TNKS: variants seen among roughly 807,000 people sequenced by gnomAD.
The protein encoded by TNKS is tankyrase.
TNKS carries 72 observed loss-of-function variants against 135.8 expected under a neutral mutation model. The ratio of observed to expected loss-of-function variants is 0.53; its 90% CI spans 0.44 to 0.64. The LOEUF is 0.64. TNKS is among the 30% of genes least tolerant of loss of function. The pLI, the probability that TNKS is intolerant of heterozygous loss-of-function variation, is 0.00. For synonymous variants in TNKS, 849 were observed against 649.3 expected (o/e 1.31, Z -4.68); for missense variants, 1,769 against 1,674.0 (o/e 1.06, Z -0.99).
Position 9,661,044 on chromosome 8 carries a change from T to G in TNKS, c.995-18907T>G, listed in dbSNP as rs570761033. On this transcript the variant is annotated intron_variant, in intron 3 of 26. Coordinates refer to ENST00000310430, the MANE Select transcript of TNKS (RefSeq NM_003747.3). The stretch of plus-strand genomic sequence containing the variant: ...CTTACAAGGGACGTGAAGGACCTCT[T>G]CAAGGAGAACTACAAACCTCTGCTC... Among the ~76,000 whole-genome samples, 18 of 151,584 alleles carry G rather than the reference T, an allele frequency of 1.2e-4. No homozygotes were observed. The East Asian group carries it at 3.3e-3, about 28-fold the overall frequency.
At chr8:9,650,212 T>C (rs988187788) in intron 3 of TNKS, among the ~76,000 whole-genome samples, 1 of 152,104 alleles carries the variant, frequency 6.6e-6, no homozygotes, top group African/African-American at 2.4e-5. Context: ...TTTCTTTATC[T>C]GCTTGTCGAT....
Position 9,672,718 on chromosome 8 carries a change from A to C in TNKS, c.995-7233A>C, listed in dbSNP as rs1423806469. Among the ~76,000 whole-genome samples, 287 of 149,960 alleles carry C rather than the reference A, an allele frequency of 1.9e-3. 1 individual carries two copies. Among genetic ancestry groups the C allele is most frequent in the Admixed American group, 3.9e-3 (58 of 15,034 alleles). The stretch of plus-strand genomic sequence containing the variant: ...CACACACACACACACACACAAAAAA[A>C]AAAAAACAAACTAATATCCCACTTC... On this transcript the variant is annotated intron_variant, in intron 3 of 26. Transcript: ENST00000310430.
At chr8:9,634,815 A>G (rs1163161867) in intron 3 of TNKS, among the ~76,000 whole-genome samples, 1 of 152,120 alleles carries the variant, frequency 6.6e-6, no homozygotes, top group Admixed American at 6.5e-5. Flanking sequence ...TGAAAAAAAA[A>G]TGACTGATTT....
chr8:9,744,114 T>G (rs1435029461), intron 17 of TNKS, among the ~76,000 whole-genome samples: 2 of 152,208 alleles, frequency 1.3e-5, no homozygotes, highest in Admixed American at 1.3e-4. Flanking sequence ...AAATACATAT[T>G]TATTTAAGAA....
chr8:9,665,707 A>C (rs561804799), intron 3 of TNKS, among the ~76,000 whole-genome samples: 2 of 152,128 alleles, frequency 1.3e-5, no homozygotes, highest in Admixed American at 1.3e-4. Flanking sequence ...GTTAACCTCT[A>C]CTGGTCTCTT....
Position 9,735,497 on chromosome 8 carries a change from T to A in TNKS, c.2643+11T>A. The A allele has an allele frequency of 6.2e-7, 1 of 1,607,738 alleles. No individual in the cohort carries two copies. Among genetic ancestry groups the A allele is most frequent in the East Asian group, 2.2e-5 (1 of 44,826 alleles). On this transcript the variant is annotated intron_variant, in intron 17 of 26. Transcript: ENST00000310430. ...GCGGCATCTTATGGGGTAAGCATAC[T>A]AACATTAAAATCTAGAAAACTGACC...
intron 3 of TNKS, among the ~76,000 whole-genome samples, chr8:9,665,734 C>T (rs1585301084): frequency 1.3e-5 from 2 of 152,300 alleles, no homozygotes; most frequent in East Asian, 3.9e-4. Context: ...GATACTGGAG[C>T]ATGGTGCAAG....
intron 11 of TNKS, 142 bp from the exon 12 acceptor site, chr8:9,720,232 G>C (rs181127529): frequency 2.3e-5 from 17 of 754,080 alleles, no homozygotes; most frequent in Non-Finnish European, 3.1e-5. Context: ...GAATCAGTGA[G>C]CAAAAGTTTA....
intron 1 of TNKS, among the ~76,000 whole-genome samples, chr8:9,567,807 T>C (rs565362687): frequency 6.6e-6 from 1 of 152,202 alleles, no homozygotes; most frequent in Non-Finnish European, 1.5e-5. Flanking sequence ...GAAGAAGAAG[T>C]TAAAAATTTT....
intron 22 of TNKS, among the ~76,000 whole-genome samples, chr8:9,763,909 G>C (rs1255159053): frequency 6.6e-6 from 1 of 152,242 alleles, no homozygotes; most frequent in Non-Finnish European, 1.5e-5. Flanking sequence ...TGTTTAATTA[G>C]TGCTCATTTT....
At chr8:9,599,334 T>G (rs1798925066) in intron 2 of TNKS, among the ~76,000 whole-genome samples, 1 of 152,196 alleles carries the variant, frequency 6.6e-6, no homozygotes, top group African/African-American at 2.4e-5. Context: ...GAGTTCTTGT[T>G]ATGTGCAAAG....
At chr8:9,661,597 A>C (rs896134673) in intron 3 of TNKS, among the ~76,000 whole-genome samples, 8 of 152,224 alleles carry the variant, frequency 5.3e-5, no homozygotes, top group African/African-American at 1.9e-4. Flanking sequence ...GATGGATTAA[A>C]GACTTAAATG....
intron 3 of TNKS, among the ~76,000 whole-genome samples, chr8:9,623,048 A>C (rs958697212): frequency 8.5e-5 from 13 of 152,214 alleles, no homozygotes; most frequent in African/African-American, 3.1e-4. Context: ...GAGTTATGTC[A>C]ATGTGGTCTC....
At chr8:9,558,225 A>G (rs1329369930) in intron 1 of TNKS, 2 of 152,118 alleles carry the variant, frequency 1.3e-5, no homozygotes, top group Admixed American at 1.3e-4. Flanking sequence ...TGATCCATTA[A>G]TGGGTCGTGA....
rs749333851 is a variant in TNKS, at chr8:9,666,719, TAAAAAAAA to T, written c.995-13223_995-13216del. On this transcript the variant is annotated intron_variant, in intron 3 of 26. Coordinates refer to ENST00000310430, the MANE Select transcript of TNKS (RefSeq NM_003747.3). ...CTGGGCGACAGAGTGAGACTCTATCTAAAAAAAAAAAAAAAAGTAAAATACATAGCAAT... is the reference window on the plus strand; with the variant it reads ...CTGGGCGACAGAGTGAGACTCTATCTAAAAAAAAGTAAAATACATAGCAAT... Among the ~76,000 whole-genome samples the T allele has an allele frequency of 5.3e-5, 7 of 131,008 alleles. No individual in the cohort carries two copies. The East Asian group carries it at 1.5e-3, about 29-fold the overall frequency. The allele number at this position is 131,008 out of a possible 152,430, so 85.9% of individuals were successfully genotyped here.
chr8:9,615,515 C>G (rs552055421), intron 2 of TNKS, 67 bp from the exon 3 acceptor site: 1 of 1,319,616 alleles, frequency 7.6e-7, no homozygotes, highest in African/African-American at 1.5e-5. Context: ...CATGCCGAGA[C>G]GACACTTACC....
intron 25 of TNKS, among the ~76,000 whole-genome samples, chr8:9,769,754 A>AGAC (rs1345074059): frequency 2.0e-5 from 3 of 150,874 alleles, no homozygotes; most frequent in African/African-American, 7.3e-5. Flanking sequence ...CAAGTAGCTG[A>AGAC]GACTACAGGC....
Position 9,752,597 on chromosome 8 carries a change from C to G in TNKS, c.3124C>G (p.His1042Asp). 1 of 1,612,948 alleles carries G rather than the reference C, an allele frequency of 6.2e-7. No individual in the cohort carries two copies. Among genetic ancestry groups the G allele is most frequent in the Non-Finnish European group, 8.5e-7 (1 of 1,179,312 alleles). The change falls in exon 20 of 27, where the codon CAC (histidine) becomes GAC (aspartate). Residue 1042 changes from histidine to aspartate, a missense_variant. Physicochemically the swap from His to Asp is moderately conservative, Grantham distance 81 (BLOSUM62 -1). Coordinates refer to ENST00000310430, the MANE Select transcript of TNKS (RefSeq NM_003747.3). ...ATTTCTAAAAAGCCTTGGCCTTGAA[C>G]ACCTTCGGGATATCTTTGAAACAGA... ...SQFLKSLGLE[H>D]LRDIFETEQI... is the part of the protein sequence containing the mutation.
intron 1 of TNKS, among the ~76,000 whole-genome samples, chr8:9,576,956 A>G (rs6601336): frequency 0.27 from 40,582 of 152,062 alleles, 5,687 homozygotes; most frequent in East Asian, 0.38. Flanking sequence ...AAAGTATATA[A>G]TTTGCATGAT....
Sources: gnomAD v4.1 joint callset for allele counts (sites outside exome capture counted in the v4.1 genomes callset) on GRCh38, gnomAD v4.1.1 for gene constraint, MANE v1.5 for transcripts, NCBI Gene and HGNC (gene_info 2026-07-23, HGNC 2026-07-21) for gene names.